MAST4: variants seen among roughly 807,000 people sequenced by gnomAD.
MAST4 encodes the protein microtubule-associated serine/threonine-protein kinase 4.
In MAST4, 89 loss-of-function variants were observed where a neutral mutation model predicts 162.7. That is an observed-to-expected ratio of 0.55 (90% CI 0.46 to 0.65). The LOEUF (loss-of-function observed/expected upper bound fraction) is 0.65. Ranked by LOEUF, MAST4 falls within the 30% of genes least tolerant of loss-of-function variation. The pLI, the probability that MAST4 is intolerant of heterozygous loss-of-function variation, is 0.00. For missense variants in MAST4, 3,153 were observed against 3,374.0 expected (o/e 0.93, Z 1.62); for synonymous variants, 1,479 against 1,361.1 (o/e 1.09, Z -1.91).
intron 3 of MAST4, among the ~76,000 whole-genome samples, chr5:66,875,317 TAAATTTCTAATAGA>T (rs1297893823): frequency 6.6e-6 from 1 of 152,238 alleles, no homozygotes; most frequent in African/African-American, 2.4e-5. Context: ...TCAGGGATGA[TAAATTTCTAATAGA>T]AAATTCTGAG....
At chr5:66,988,944 C>T (rs945135864) in intron 4 of MAST4, among the ~76,000 whole-genome samples, 1 of 152,140 alleles carries the variant, frequency 6.6e-6, no homozygotes, top group African/African-American at 2.4e-5. Flanking sequence ...TATTTGTAAA[C>T]ATAATATACC....
At chr5:66,669,518 A>G (rs1297656747) in intron 1 of MAST4, among the ~76,000 whole-genome samples, 1 of 152,176 alleles carries the variant, frequency 6.6e-6, no homozygotes, top group African/African-American at 2.4e-5. Context: ...AACCCAGTTG[A>G]CATTCTCCCT....
chr5:66,800,192 G>A (rs1218527646), intron 3 of MAST4, among the ~76,000 whole-genome samples: 1 of 152,118 alleles, frequency 6.6e-6, no homozygotes, highest in Non-Finnish European at 1.5e-5. Flanking sequence ...CAGACATAAG[G>A]CTTGTTTGAA....
At chr5:66,753,257 C>G (rs1176731826) in intron 1 of MAST4, among the ~76,000 whole-genome samples, 1 of 152,030 alleles carries the variant, frequency 6.6e-6, no homozygotes, top group Non-Finnish European at 1.5e-5. Context: ...AAAGCAAGAG[C>G]AAACACATTC....
chr5:66,900,527 C>A (rs1200984512), intron 4 of MAST4, among the ~76,000 whole-genome samples: 8 of 151,862 alleles, frequency 5.3e-5, no homozygotes, highest in Non-Finnish European at 1.2e-4. Flanking sequence ...ATTTTTAAGG[C>A]CAATAATATA....
chr5:66,697,089 G>C (rs908310226), intron 1 of MAST4, among the ~76,000 whole-genome samples: 9 of 152,166 alleles, frequency 5.9e-5, no homozygotes, highest in Admixed American at 5.2e-4. Context: ...GTAGACATTT[G>C]GCAGACACTT....
chr5:67,047,692 T>G (rs1211239212), intron 4 of MAST4, among the ~76,000 whole-genome samples: 3 of 152,166 alleles, frequency 2.0e-5, no homozygotes, highest in African/African-American at 7.2e-5. Context: ...TCTTAGGCAC[T>G]CAGAAAGTAA....
chr5:66,914,040 A>T (rs1289384311), intron 4 of MAST4, among the ~76,000 whole-genome samples: 2 of 152,102 alleles, frequency 1.3e-5, no homozygotes, highest in East Asian at 3.9e-4. Flanking sequence ...ATAAGTCTTG[A>T]TCTCAGAAGC....
At chr5:66,750,783 T>G (rs992536834) in intron 1 of MAST4, among the ~76,000 whole-genome samples, 2 of 152,178 alleles carry the variant, frequency 1.3e-5, no homozygotes, top group East Asian at 3.9e-4. Flanking sequence ...TCGAACTGGG[T>G]GGAGCCCACC....
intron 24 of MAST4, among the ~76,000 whole-genome samples, chr5:67,152,122 T>C (rs1230957443): frequency 6.6e-6 from 1 of 152,186 alleles, no homozygotes; most frequent in Non-Finnish European, 1.5e-5. Flanking sequence ...AATCAGCTGG[T>C]AAATTGATAA....
At chr5:66,926,753 A>G (rs996888349) in intron 4 of MAST4, among the ~76,000 whole-genome samples, 2 of 151,908 alleles carry the variant, frequency 1.3e-5, no homozygotes, top group Non-Finnish European at 2.9e-5. Flanking sequence ...TTGCTATATG[A>G]AGGAAAAAAG....
intron 2 of MAST4, 63 bp from the exon 3 acceptor site, chr5:66,788,607 C>CCAAACAAAAAAAAAA: frequency 6.6e-6 from 9 of 1,373,718 alleles, no homozygotes; most frequent in African/African-American, 1.5e-5. Flanking sequence ...CCCCCACCCC[C>CCAAACAAAAAAAAAA]ATTGCAATAA....
chr5:66,837,903 T>A lies in MAST4; in HGVS notation c.642+49109T>A, dbSNP rs1416137064. ...ATATATATATATATATATTTTTTTT[T>A]TTTTTTTTTTTTTTAATGTGGAGGT... On this transcript the variant is annotated intron_variant, in intron 3 of 28. Transcript: ENST00000403625. Among the ~76,000 whole-genome samples the A allele has an allele frequency of 3.7e-3, 176 of 48,216 alleles. 1 individual carries two copies. The highest frequency in any genetic ancestry group is 0.01 in the African/African-American group (165 of 16,142). The allele number at this position is 48,216 out of a possible 152,430, so 31.6% of individuals were successfully genotyped here. A position where few individuals can be genotyped will look rare whatever the true frequency, so the allele number is the denominator to read the frequency against.
chr5:66,874,889 G>A (rs565052205), intron 3 of MAST4, among the ~76,000 whole-genome samples: 167 of 152,222 alleles, frequency 1.1e-3, no homozygotes, highest in African/African-American at 3.7e-3. Flanking sequence ...TGAAGAATAA[G>A]TGTCTTTGAC....
chr5:67,011,357 C>G (rs570097632), intron 4 of MAST4, among the ~76,000 whole-genome samples: 1 of 152,188 alleles, frequency 6.6e-6, no homozygotes, highest in South Asian at 2.1e-4. Context: ...TCCTCCCACT[C>G]CTTGCTTTGC....
chr5:66,818,980 T>A lies in MAST4; in HGVS notation c.642+30186T>A, dbSNP rs114494521. Among the ~76,000 whole-genome samples the A allele has an allele frequency of 4.8e-3, 737 of 152,320 alleles. 9 individuals carry two copies. The highest frequency in any genetic ancestry group is 0.017 in the African/African-American group (717 of 41,580). On this transcript the variant is annotated intron_variant, in intron 3 of 28. Coordinates refer to ENST00000403625, the MANE Select transcript of MAST4 (RefSeq NM_001164664.2). ...AATGAGATAGAATCTGGAGCCCGTT[T>A]TGTGTTAAAAAGAGTTAAGGGATGC... is the stretch of plus-strand genomic sequence containing the variant.
chr5:67,115,128 A>T (rs1261403109), intron 12 of MAST4: 1 of 152,070 alleles, frequency 6.6e-6, no homozygotes, highest in African/African-American at 2.4e-5. Flanking sequence ...AATAGGAAGC[A>T]TCTTGTCAGT....
chr5:67,141,891 A>G (rs1770444281), intron 19 of MAST4, among the ~76,000 whole-genome samples: 1 of 152,220 alleles, frequency 6.6e-6, no homozygotes, highest in Admixed American at 6.5e-5. Context: ...ACTAACAAAG[A>G]AAAACAGTGC....
chr5:66,892,409 T>G (rs1038779076), intron 3 of MAST4, among the ~76,000 whole-genome samples: 11 of 152,328 alleles, frequency 7.2e-5, no homozygotes, highest in African/African-American at 2.6e-4. Flanking sequence ...CCCCAGTGTC[T>G]GGCACAGCAC....
Sources: gnomAD v4.1 joint callset for allele counts (sites outside exome capture counted in the v4.1 genomes callset) on GRCh38, gnomAD v4.1.1 for gene constraint, MANE v1.5 for transcripts, NCBI Gene and HGNC (gene_info 2026-07-23, HGNC 2026-07-21) for gene names.